The following PCDH15 variants were observed in gnomAD, a reference collection of about 807,000 sequenced individuals.
The protein encoded by PCDH15 is protocadherin related 15.
PCDH15 carries 129 observed loss-of-function variants against 178.5 expected under a neutral mutation model. The observed-to-expected ratio is 0.72, with a 90% CI of 0.63 to 0.84. The LOEUF (loss-of-function observed/expected upper bound fraction) is 0.84, where lower values mean the gene tolerates loss of function less well. PCDH15 is among the 40% of genes least tolerant of loss of function. The pLI is 0.00. For missense variants in PCDH15, 2,230 were observed against 2,099.9 expected (o/e 1.06, Z -1.21); for synonymous variants, 800 against 732.0 (o/e 1.09, Z -1.50).
intron 1 of PCDH15, among the ~76,000 whole-genome samples, chr10:55,291,722 G>T (rs1045105322): frequency 6.6e-6 from 1 of 152,126 alleles, no homozygotes; most frequent in Non-Finnish European, 1.5e-5. Flanking sequence ...TTACACTGCT[G>T]GTAAAGACAT....
chr10:54,370,449 A>C (rs1206047651), intron 4 of PCDH15, among the ~76,000 whole-genome samples: 1 of 151,930 alleles, frequency 6.6e-6, no homozygotes, highest in Non-Finnish European at 1.5e-5. Flanking sequence ...CTGGAAGCTC[A>C]ATACAACCTG....
At chr10:55,069,248 GTTT>G (rs80094733) in intron 2 of PCDH15, among the ~76,000 whole-genome samples, 36,501 of 129,548 alleles carry the variant, frequency 0.28, 5,059 homozygotes, top group East Asian at 0.51. Context: ...CTGGTATTTT[GTTT>G]TTTTTTTTTT....
intron 2 of PCDH15, among the ~76,000 whole-genome samples, chr10:54,919,961 C>T (rs1189597459): frequency 1.3e-5 from 2 of 151,952 alleles, no homozygotes; most frequent in Admixed American, 6.6e-5. Context: ...ACTATTTTCA[C>T]CTTTGTCTTT....
intron 2 of PCDH15, among the ~76,000 whole-genome samples, chr10:55,348,243 A>G (rs572920690): frequency 6.6e-6 from 1 of 152,276 alleles, no homozygotes; most frequent in African/African-American, 2.4e-5. Context: ...GCCACATTTC[A>G]AAGGTTGAAT....
At chr10:54,824,185 A>G (rs905918896) in intron 3 of PCDH15, among the ~76,000 whole-genome samples, 6 of 152,042 alleles carry the variant, frequency 3.9e-5, no homozygotes, top group African/African-American at 1.2e-4. Flanking sequence ...TAAATTCACC[A>G]TGTGTTTATG....
chr10:54,760,314 A>C (rs1947706009), intron 1 of PCDH15, among the ~76,000 whole-genome samples: 1 of 152,034 alleles, frequency 6.6e-6, no homozygotes, highest in South Asian at 2.1e-4. Context: ...ATTCACCATT[A>C]GCTCTTTGAA....
chr10:54,027,947 G>T (rs948729991), intron 18 of PCDH15, among the ~76,000 whole-genome samples: 114 of 151,288 alleles, frequency 7.5e-4, no homozygotes, highest in Admixed American at 1.8e-3. Flanking sequence ...AAATGGGATC[G>T]AATTAAACTC....
At chr10:55,450,591 A>G (rs1304494160) in intron 2 of PCDH15, among the ~76,000 whole-genome samples, 2 of 152,060 alleles carry the variant, frequency 1.3e-5, no homozygotes, top group African/African-American at 2.4e-5. Context: ...ATTTTTTTTT[A>G]CTGGTACATT....
intron 2 of PCDH15, among the ~76,000 whole-genome samples, chr10:55,027,641 T>C (rs1251883755): frequency 1.3e-5 from 2 of 151,798 alleles, no homozygotes; most frequent in African/African-American, 2.4e-5. Flanking sequence ...TCTCTTCCCC[T>C]GTCATAGGTA....
intron 5 of PCDH15, among the ~76,000 whole-genome samples, chr10:54,359,129 G>A (rs1488134735): frequency 6.6e-6 from 1 of 151,870 alleles, no homozygotes; most frequent in African/African-American, 2.4e-5. Context: ...CCTGCACATT[G>A]TGCACATGTA....
intron 8 of PCDH15, among the ~76,000 whole-genome samples, chr10:54,284,736 G>A (rs1332020918): frequency 6.6e-6 from 1 of 152,180 alleles, no homozygotes; most frequent in Non-Finnish European, 1.5e-5. Context: ...GCCATGCATA[G>A]CAACCGCAGC....
At chr10:55,464,212 T>A in intron 2 of PCDH15, among the ~76,000 whole-genome samples, 1 of 152,110 alleles carries the variant, frequency 6.6e-6, no homozygotes, top group Middle Eastern at 3.2e-3. Flanking sequence ...ACTAGGGACA[T>A]AACTCAAAAC....
chr10:55,462,926 G>C (rs1451951796), intron 2 of PCDH15, among the ~76,000 whole-genome samples: 2 of 151,984 alleles, frequency 1.3e-5, no homozygotes, highest in Non-Finnish European at 2.9e-5. Flanking sequence ...TTTTGAAGTG[G>C]CTCTGCCTTT....
chr10:54,852,109 G>A (rs56256187), intron 3 of PCDH15, among the ~76,000 whole-genome samples: 10,348 of 152,168 alleles, frequency 0.068, 410 homozygotes, highest in South Asian at 0.12. Context: ...ATTGGCAGAT[G>A]TAGAAAAATG....
At chr10:55,247,450 A>G (rs1771820185) in intron 1 of PCDH15, among the ~76,000 whole-genome samples, 1 of 152,196 alleles carries the variant, frequency 6.6e-6, no homozygotes, top group African/African-American at 2.4e-5. Context: ...TACTCTGCAA[A>G]GAACATTTAA....
At chr10:55,186,882 C>A (rs527570145) in intron 1 of PCDH15, among the ~76,000 whole-genome samples, 1 of 151,668 alleles carries the variant, frequency 6.6e-6, no homozygotes, top group Non-Finnish European at 1.5e-5. Flanking sequence ...ATTCACCAAG[C>A]TTATATTTTG....
At chr10:54,810,232 T>A (rs1162236839) in intron 3 of PCDH15, among the ~76,000 whole-genome samples, 2 of 152,164 alleles carry the variant, frequency 1.3e-5, no homozygotes, top group African/African-American at 2.4e-5. Flanking sequence ...TGTTCAGGCA[T>A]AATAAGTTTC....
At chr10:54,549,927 T>G (rs188182405) in intron 2 of PCDH15, among the ~76,000 whole-genome samples, 40 of 152,208 alleles carry the variant, frequency 2.6e-4, no homozygotes, top group Non-Finnish European at 4.9e-4. Flanking sequence ...TATAGTGGCC[T>G]TCTTTATAGC....
At chr10:55,060,094 A>G (rs1340847965) in intron 2 of PCDH15, among the ~76,000 whole-genome samples, 1 of 152,090 alleles carries the variant, frequency 6.6e-6, no homozygotes, top group African/African-American at 2.4e-5. Flanking sequence ...TAATAATAGA[A>G]TACACATAAA....
Sources: allele counts gnomAD v4.1 joint callset (sites outside exome capture counted in the v4.1 genomes callset), GRCh38; gene constraint gnomAD v4.1.1; transcripts MANE v1.5; gene names NCBI Gene and HGNC (gene_info 2026-07-23, HGNC 2026-07-21).